Variants in ADGRL2 observed in about 807,000 individuals in gnomAD.
ADGRL2 encodes the protein calcium-independent alpha-latrotoxin receptor 2.
In ADGRL2, 44 loss-of-function variants were observed where a neutral mutation model predicts 157.4. That is an observed-to-expected ratio of 0.28 (90% confidence interval 0.22 to 0.36). ADGRL2 has a LOEUF of 0.36. Among genes scored for constraint, ADGRL2 ranks in the 10% least tolerant of loss-of-function variants. The pLI, the probability that ADGRL2 is intolerant of heterozygous loss-of-function variation, is 1.00. For synonymous variants in ADGRL2, 585 were observed against 624.7 expected (o/e 0.94, Z 0.95); for missense variants, 1,510 against 1,768.9 (o/e 0.85, Z 2.63).
chr1:81,964,289 C>A (rs1162683231), intron 11 of ADGRL2, among the ~76,000 whole-genome samples: 1 of 151,980 alleles, frequency 6.6e-6, no homozygotes, highest in African/African-American at 2.4e-5. Flanking sequence ...AGAGGATATT[C>A]TTCTTTCATC....
intron 1 of ADGRL2, among the ~76,000 whole-genome samples, chr1:81,829,889 T>C (rs2091813886): frequency 6.6e-6 from 1 of 152,172 alleles, no homozygotes; most frequent in South Asian, 2.1e-4. Context: ...GCAGTCCTTG[T>C]AGGGGCAGGT....
intron 2 of ADGRL2, among the ~76,000 whole-genome samples, chr1:81,542,797 T>C (rs2079917416): frequency 6.6e-6 from 1 of 152,202 alleles, no homozygotes; most frequent in South Asian, 2.1e-4. Flanking sequence ...ATATTTATAA[T>C]GCAACAATGG....
intron 2 of ADGRL2, among the ~76,000 whole-genome samples, chr1:81,469,530 T>C (rs1258928889): frequency 1.3e-5 from 2 of 152,208 alleles, no homozygotes; most frequent in African/African-American, 4.8e-5. Context: ...TCAGCTCTTA[T>C]TCAATTTCCT....
At chr1:81,749,451 T>C (rs2085418079) in intron 1 of ADGRL2, among the ~76,000 whole-genome samples, 1 of 152,192 alleles carries the variant, frequency 6.6e-6, no homozygotes, top group African/African-American at 2.4e-5. Context: ...TCCTTCCCAG[T>C]ACCATTAATA....
At chr1:81,832,438 C>T (rs962711286) in intron 1 of ADGRL2, among the ~76,000 whole-genome samples, 2 of 152,258 alleles carry the variant, frequency 1.3e-5, no homozygotes, top group African/African-American at 2.4e-5. Context: ...CCACCTTGCC[C>T]GGCCTGAACT....
intron 1 of ADGRL2, among the ~76,000 whole-genome samples, chr1:81,380,771 A>T (rs1194999871): frequency 2.0e-5 from 3 of 152,096 alleles, no homozygotes; most frequent in Non-Finnish European, 2.9e-5. Flanking sequence ...ATAACCTTAT[A>T]ATGTATTTGG....
chr1:81,538,940 G>A (rs140324181), intron 2 of ADGRL2, among the ~76,000 whole-genome samples: 234 of 150,970 alleles, frequency 1.5e-3, no homozygotes, highest in African/African-American at 5.1e-3. Context: ...CCTGGAAGGC[G>A]GAAGTTGTAC....
At chr1:81,586,305 T>C (rs1040503687) in intron 3 of ADGRL2, 1 of 151,904 alleles carries the variant, frequency 6.6e-6, no homozygotes, top group Non-Finnish European at 1.5e-5. Context: ...TCTTCTATTG[T>C]GCGCCCTCCT....
chr1:81,909,575 G>A (rs188193386), intron 3 of ADGRL2, among the ~76,000 whole-genome samples: 1 of 152,282 alleles, frequency 6.6e-6, no homozygotes, highest in Non-Finnish European at 1.5e-5. Context: ...AGAGAAGGCT[G>A]TCAATATGAC....
At chr1:81,313,536 G>C (rs1659895887) in intron 1 of ADGRL2, among the ~76,000 whole-genome samples, 1 of 152,174 alleles carries the variant, frequency 6.6e-6, no homozygotes, top group South Asian at 2.1e-4. Flanking sequence ...TTCAGAGCTT[G>C]CTGAATTTCC....
chr1:81,644,902 C>A (rs1028681890), intron 3 of ADGRL2, among the ~76,000 whole-genome samples: 2 of 152,186 alleles, frequency 1.3e-5, no homozygotes, highest in Non-Finnish European at 2.9e-5. Context: ...ACAAAAATCA[C>A]TTAGACCCCT....
chr1:81,843,138 A>G (rs955017224), intron 2 of ADGRL2, among the ~76,000 whole-genome samples: 1 of 152,076 alleles, frequency 6.6e-6, no homozygotes, highest in African/African-American at 2.4e-5. Context: ...AAAAATTACT[A>G]TTATTATTTT....
intron 2 of ADGRL2, among the ~76,000 whole-genome samples, chr1:81,780,825 T>C (rs1184582387): frequency 6.6e-6 from 1 of 152,124 alleles, no homozygotes; most frequent in Non-Finnish European, 1.5e-5. Flanking sequence ...GTGCTTACTT[T>C]GTTGTAGGTT....
intron 1 of ADGRL2, among the ~76,000 whole-genome samples, chr1:81,761,449 T>C (rs1009564211): frequency 2.6e-5 from 4 of 151,990 alleles, no homozygotes; most frequent in African/African-American, 9.7e-5. Flanking sequence ...AAACCATATT[T>C]TCCCTTAAAG....
chr1:81,387,149 T>C (rs2076452625), intron 1 of ADGRL2, among the ~76,000 whole-genome samples: 1 of 152,302 alleles, frequency 6.6e-6, no homozygotes, highest in East Asian at 1.9e-4. Context: ...AAGACGGTAG[T>C]GTTGGCAAAG....
chr1:81,836,850 C>T (rs1323254369), intron 1 of ADGRL2, 35 bp from the exon 2 acceptor site: 3 of 563,424 alleles, frequency 5.3e-6, no homozygotes, highest in Middle Eastern at 3.6e-4. Context: ...TGTAGAAAGA[C>T]CATAGAGTAA....
chr1:81,558,694 G>T (rs1184347722), intron 2 of ADGRL2, among the ~76,000 whole-genome samples: 2 of 151,828 alleles, frequency 1.3e-5, no homozygotes, highest in African/African-American at 4.8e-5. Flanking sequence ...ATACAATAAA[G>T]TGTTTATAAT....
intron 1 of ADGRL2, among the ~76,000 whole-genome samples, chr1:81,331,272 A>C (rs1480339182): frequency 6.6e-6 from 1 of 152,164 alleles, no homozygotes; most frequent in Non-Finnish European, 1.5e-5. Flanking sequence ...TGATAGAGAG[A>C]GAGGTTTCAC....
chr1:81,509,224 T>A (rs1240608029), intron 2 of ADGRL2, among the ~76,000 whole-genome samples: 2 of 152,186 alleles, frequency 1.3e-5, no homozygotes, highest in Admixed American at 6.5e-5. Flanking sequence ...TGCTAGTAAT[T>A]CTGATACCCT....
Sources: gnomAD v4.1 joint callset for allele counts (sites outside exome capture counted in the v4.1 genomes callset) on GRCh38, gnomAD v4.1.1 for gene constraint, MANE v1.5 for transcripts, NCBI Gene and HGNC (gene_info 2026-07-23, HGNC 2026-07-21) for gene names.